The following IPCEF1 variants were observed in gnomAD, a reference collection of about 807,000 sequenced individuals.
IPCEF1 encodes interactor protein for cytohesin exchange factors 1.
IPCEF1 carries 31 observed loss-of-function variants against 50.9 expected under a neutral mutation model. That is an observed-to-expected ratio of 0.61 (90% CI 0.46 to 0.82). The LOEUF (loss-of-function observed/expected upper bound fraction) is 0.82. Among genes scored for constraint, IPCEF1 ranks in the 40% least tolerant of loss-of-function variants. The pLI, the probability that IPCEF1 is intolerant of heterozygous loss-of-function variation, is 0.00. For synonymous variants in IPCEF1, 181 were observed against 192.0 expected (o/e 0.94, Z 0.47); for missense variants, 458 against 514.0 (o/e 0.89, Z 1.05).
Position 154,300,360 on chromosome 6 carries a change from T to C in IPCEF1, c.-61-10604A>G, listed in dbSNP as rs546028076. On this transcript the variant is annotated intron_variant, in intron 1 of 11. Transcript: ENST00000367220. ...GATGTGATGGCTCATGCCTGTAATCTCAGAATTTTAGGAAGCTGAGGCAGG... is the reference window on the plus strand; with the variant it reads ...GATGTGATGGCTCATGCCTGTAATCCCAGAATTTTAGGAAGCTGAGGCAGG... 8.6e-4 allele frequency among the ~76,000 whole-genome samples: 82 copies of C among 95,540 alleles called. 7 individuals are homozygous for C. The highest frequency in any genetic ancestry group is 1.1e-3 in the Admixed American group (10 of 8,774). 62.7% of individuals were successfully genotyped at this position (95,540 alleles called of 152,430 possible).
At chr6:154,220,822 T>C (rs1037546698) in intron 7 of IPCEF1, among the ~76,000 whole-genome samples, 2 of 152,218 alleles carry the variant, frequency 1.3e-5, no homozygotes, top group African/African-American at 4.8e-5. Flanking sequence ...CGTTTTGCAA[T>C]ATGTTCAGGA....
At chr6:154,341,046 G>T (rs138715041) in intron 1 of IPCEF1, among the ~76,000 whole-genome samples, 3 of 152,128 alleles carry the variant, frequency 2.0e-5, no homozygotes, top group Non-Finnish European at 4.4e-5. Flanking sequence ...AGGCAGGAAG[G>T]CTCAAAGTGG....
At chr6:154,253,435 T>C (rs1204393724) in intron 3 of IPCEF1, among the ~76,000 whole-genome samples, 1 of 152,246 alleles carries the variant, frequency 6.6e-6, no homozygotes, top group African/African-American at 2.4e-5. Context: ...GTTTTTGTAA[T>C]GTTTTCACGT....
chr6:154,167,280 A>C (rs1799516819), intron 11 of IPCEF1, among the ~76,000 whole-genome samples: 1 of 152,248 alleles, frequency 6.6e-6, no homozygotes, highest in Non-Finnish European at 1.5e-5. Flanking sequence ...GAACCATTTC[A>C]GCTCAGGGAG....
chr6:154,162,181 A>G (rs1799081560), intron 11 of IPCEF1, among the ~76,000 whole-genome samples: 1 of 152,160 alleles, frequency 6.6e-6, no homozygotes, highest in South Asian at 2.1e-4. Context: ...CCGCTCTCCT[A>G]CTCAAGAAAT....
At position 154,155,374 on chromosome 6, in the gene IPCEF1, T is replaced by C. The variant is rs1269242938; in HGVS notation, c.*4454A>G. On this transcript the variant is annotated 3_prime_UTR_variant, in exon 12 of 12. Coordinates refer to ENST00000367220, the MANE Select transcript of IPCEF1 (RefSeq NM_001130700.2). ...CAAAAGAAATTGGAAGAGAAATAAATTGGAAAACCACAATTGGATATCATA... is the reference window on the plus strand; with the variant it reads ...CAAAAGAAATTGGAAGAGAAATAAACTGGAAAACCACAATTGGATATCATA... 6.6e-6 allele frequency: 1 copy of C among 152,192 alleles called. No individual in the cohort carries two copies. The allele number at this position is 152,192 out of a possible 1,614,324, so 9.4% of individuals were successfully genotyped here. A position where few individuals can be genotyped will look rare whatever the true frequency, so the allele number is the denominator to read the frequency against.
In IPCEF1 at chr6:154,288,417, A is replaced by C. The variant is rs551341332; in HGVS notation, c.-18+1296T>G. On this transcript the variant is annotated intron_variant, in intron 2 of 11. Transcript: ENST00000367220. ...GGTGGCTCACGCCTGTAATCCCAGC[A>C]CTTTGGGAGGCCGAGGCGGGCAGAT... Among the ~76,000 whole-genome samples the C allele has an allele frequency of 2.4e-3, 372 of 152,176 alleles. 6 individuals are homozygous for C. Among genetic ancestry groups the C allele is most frequent in the Non-Finnish European group, 5.4e-4 (37 of 67,986 alleles).
At chr6:154,200,664 C>T (rs796899) in intron 9 of IPCEF1, among the ~76,000 whole-genome samples, 3 of 151,948 alleles carry the variant, frequency 2.0e-5, no homozygotes, top group Non-Finnish European at 2.9e-5. Context: ...GAGATTGCAG[C>T]GAGCTAAGAT....
chr6:154,295,203 A>C (rs1782615950), intron 1 of IPCEF1, among the ~76,000 whole-genome samples: 1 of 152,198 alleles, frequency 6.6e-6, no homozygotes, highest in Non-Finnish European at 1.5e-5. Context: ...ATCTCAAAAA[A>C]AAAAATACTA....
At chr6:154,295,760 C>T (rs1782634158) in intron 1 of IPCEF1, among the ~76,000 whole-genome samples, 1 of 152,136 alleles carries the variant, frequency 6.6e-6, no homozygotes, top group Non-Finnish European at 1.5e-5. Context: ...CCTCTCTTGC[C>T]CAGGGCTTTG....
At chr6:154,307,024 G>A (rs1195748239) in intron 1 of IPCEF1, among the ~76,000 whole-genome samples, 1 of 152,158 alleles carries the variant, frequency 6.6e-6, no homozygotes, top group Non-Finnish European at 1.5e-5. Context: ...ACAGTTCTGA[G>A]GCCAGAGTCT....
chr6:154,354,181 T>C (rs1347726147), intron 1 of IPCEF1, among the ~76,000 whole-genome samples: 1 of 152,158 alleles, frequency 6.6e-6, no homozygotes, highest in East Asian at 1.9e-4. Context: ...TTCAGAGATA[T>C]AGATTTTGAA....
intron 9 of IPCEF1, among the ~76,000 whole-genome samples, chr6:154,211,476 C>T (rs1293527893): frequency 6.6e-6 from 1 of 152,022 alleles, no homozygotes; most frequent in East Asian, 1.9e-4. Context: ...GGATTCCCAT[C>T]TCAGGCACTC....
chr6:154,347,271 C>T (rs1726586454), intron 1 of IPCEF1, among the ~76,000 whole-genome samples: 1 of 152,192 alleles, frequency 6.6e-6, no homozygotes, highest in South Asian at 2.1e-4. Flanking sequence ...ATACTGGACG[C>T]TCAGGTCAAA....
At chr6:154,208,111 T>C (rs1357299270) in intron 9 of IPCEF1, among the ~76,000 whole-genome samples, 1 of 152,162 alleles carries the variant, frequency 6.6e-6, no homozygotes. Flanking sequence ...GGAAGTTGAT[T>C]ATATCCCTCC....
Position 154,271,953 on chromosome 6 carries a change from C to T in IPCEF1, c.-17-5989G>A, listed in dbSNP as rs539413054. Among the ~76,000 whole-genome samples, 3 of 152,320 alleles carry T rather than the reference C, an allele frequency of 2.0e-5. No homozygotes were observed. In the South Asian group the frequency reaches 6.2e-4, roughly 32 times the overall value. ...AATGAGCTTTGATTGTGCTATTGCA[C>T]TCCATCCTGAACAACAGAGTGAGAC... is the stretch of plus-strand genomic sequence containing the variant. On this transcript the variant is annotated intron_variant, in intron 2 of 11. Transcript: ENST00000367220.
chr6:154,351,115 A>G (rs1163581768), intron 1 of IPCEF1, among the ~76,000 whole-genome samples: 1 of 152,260 alleles, frequency 6.6e-6, no homozygotes, highest in Non-Finnish European at 1.5e-5. Context: ...CATATACTAC[A>G]GGCAGGACAC....
chr6:154,161,789 T>A (rs1465640785), intron 11 of IPCEF1, among the ~76,000 whole-genome samples: 1 of 152,216 alleles, frequency 6.6e-6, no homozygotes, highest in Non-Finnish European at 1.5e-5. Context: ...AGACATTCAA[T>A]TCATGCATGT....
rs190486604 is a variant in IPCEF1 at position 154,326,642 on chromosome 6, A to G, written c.-62+30030T>C. Among the ~76,000 whole-genome samples, 39 of 152,340 alleles carry G rather than the reference A, an allele frequency of 2.6e-4. No individual in the cohort carries two copies. The East Asian group carries it at 6.4e-3, about 25-fold the overall frequency. Reference sequence around the variant, plus strand: ...ATCATGAGAATGGCCATATTGCTCAAAGTAACTTATGGATTCAATGCTATT... The same window carrying G: ...ATCATGAGAATGGCCATATTGCTCAGAGTAACTTATGGATTCAATGCTATT... On this transcript the variant is annotated intron_variant, in intron 1 of 11. Transcript: ENST00000367220.
Sources: gnomAD v4.1 joint callset for allele counts (sites outside exome capture counted in the v4.1 genomes callset) on GRCh38, gnomAD v4.1.1 for gene constraint, MANE v1.5 for transcripts, NCBI Gene and HGNC (gene_info 2026-07-23, HGNC 2026-07-21) for gene names.